WDR86: variants seen among roughly 807,000 people sequenced by gnomAD.
WDR86 encodes the protein WD repeat domain 86.
Under a neutral mutation model 36.5 loss-of-function variants are expected in WDR86, and 30 were observed. That is an observed-to-expected ratio of 0.82 (90% CI 0.61 to 1.11). The LOEUF (loss-of-function observed/expected upper bound fraction) is 1.11, where lower values mean the gene tolerates loss of function less well. Among genes scored for constraint, WDR86 ranks in the 50% most tolerant of loss-of-function variants. The pLI, the probability that WDR86 is intolerant of heterozygous loss-of-function variation, is 0.00. For synonymous variants in WDR86, 255 were observed against 252.9 expected (o/e 1.01, Z -0.08); for missense variants, 545 against 561.2 (o/e 0.97, Z 0.29).
chr7:151,409,936 G>A lies in WDR86; in HGVS notation c.-347C>T, dbSNP rs1801091044. 2 of 1,058,758 alleles carry A rather than the reference G, an allele frequency of 1.9e-6. No individual in the cohort carries two copies. Among genetic ancestry groups the A allele is most frequent in the South Asian group, 4.5e-5 (1 of 22,232 alleles). The allele number at this position is 1,058,758 out of a possible 1,614,324, so 65.6% of individuals were successfully genotyped here. A position where few individuals can be genotyped will look rare whatever the true frequency, so the allele number is the denominator to read the frequency against. On this transcript the variant is annotated 5_prime_UTR_variant, in exon 1 of 6. Coordinates refer to ENST00000334493, the MANE Select transcript of WDR86 (RefSeq NM_198285.3). The surrounding 1 kb of genome is among the most constrained non-coding windows in gnomAD (Gnocchi z 5.2). ...GGCAGCTGCGTCTCTGGTGCACAAG[G>A]AGCCCCCCGCCTCCTCTCGCGCCCA...
chr7:151,381,769 C>T lies in WDR86; in HGVS notation c.967-23G>A, dbSNP rs766646515. 6.9e-7 allele frequency: 1 copy of T among 1,447,154 alleles called. No homozygotes were observed. The allele number at this position is 1,447,154 out of a possible 1,614,324, so 89.6% of individuals were successfully genotyped here. On this transcript the variant is annotated intron_variant, in intron 5 of 5. Coordinates refer to ENST00000334493, the MANE Select transcript of WDR86 (RefSeq NM_198285.3). The surrounding 1 kb of genome is among the most constrained non-coding windows in gnomAD (Gnocchi z 4.8). ...CACCTGCGGGCGCAGGGGCGGGCGTCACCGGTGACGCGGTAGGCGGGGGGG... is the reference window on the plus strand; with the variant it reads ...CACCTGCGGGCGCAGGGGCGGGCGTTACCGGTGACGCGGTAGGCGGGGGGG...
Position 151,396,042 on chromosome 7 carries a change from T to C in WDR86, c.460A>G (p.Thr154Ala). 3.7e-6 allele frequency: 6 copies of C among 1,611,126 alleles called. No individual in the cohort carries two copies. Among genetic ancestry groups the C allele is most frequent in the Non-Finnish European group, 5.1e-6 (6 of 1,179,260 alleles). Residue 154 changes from threonine (T) to alanine (A), a missense_variant, in exon 3 of 6, where the codon ACT becomes GCT. Physicochemically the swap from Thr to Ala is moderately conservative, Grantham distance 58. Coordinates refer to ENST00000334493, the MANE Select transcript of WDR86 (RefSeq NM_198285.3). ...GCCGCGGCCTCCTCCGCGCAGGGAG[T>C]GCTGGGGAGGTCCCACGGGGCAGAG... Reference protein sequence around the residue: ...AYSAPWDLPSTPCAEEAAAGG... With the variant: ...AYSAPWDLPSAPCAEEAAAGG...
rs559298229 is a variant in WDR86 at position 151,390,879 on chromosome 7, G to C, written c.726+4897C>G. ...CAAAGCAGAAGGGCGGGTGCCCGGGGCATGGAAGAGCAGCGGGGAGTCAGT... is the reference window on the plus strand; with the variant it reads ...CAAAGCAGAAGGGCGGGTGCCCGGGCCATGGAAGAGCAGCGGGGAGTCAGT... On this transcript the variant is annotated intron_variant, in intron 3 of 5. Transcript: ENST00000334493. This position sits in a 1 kb window ranked among gnomAD's most constrained non-coding sequence, Gnocchi z 4.5. Among the ~76,000 whole-genome samples, 2 of 152,252 alleles carry C rather than the reference G, an allele frequency of 1.3e-5. No homozygotes were observed. Among genetic ancestry groups the C allele is most frequent in the Non-Finnish European group, 2.9e-5 (2 of 68,046 alleles).
chr7:151,382,100 G>C (rs541787820), intron 4 of WDR86, 119 bp from the exon 5 acceptor site: 1 of 831,114 alleles, frequency 1.2e-6, no homozygotes, highest in Non-Finnish European at 1.9e-6. Flanking sequence ...GGGGTATCCT[G>C]AGGCTCATAT....
In WDR86 at chr7:151,390,320, G is replaced by A. The variant is rs891824838; in HGVS notation, c.727-5097C>T. On this transcript the variant is annotated intron_variant, in intron 3 of 5. Coordinates refer to ENST00000334493, the MANE Select transcript of WDR86 (RefSeq NM_198285.3). This position sits in a 1 kb window ranked among gnomAD's most constrained non-coding sequence, Gnocchi z 4.5. ...CCACATCAGGACCCCATCTGGCCAC[G>A]CCAGGGGCAGCCATCGTGTGTCCCC... 1.3e-5 allele frequency among the ~76,000 whole-genome samples: 2 copies of A among 152,086 alleles called. No homozygotes were observed. The highest frequency in any genetic ancestry group is 4.8e-5 in the African/African-American group (2 of 41,416).
At chr7:151,373,258 G>C (rs201797978), downstream of WDR86, among the ~76,000 whole-genome samples, 1 of 152,194 alleles carries the variant, frequency 6.6e-6, no homozygotes, top group Non-Finnish European at 1.5e-5. Context: ...CTGTCTCCTT[G>C]TTGGGAAAAT....
rs1193965099 is a variant in WDR86, at chr7:151,388,035, T to C, written c.727-2812A>G. 6.6e-6 allele frequency among the ~76,000 whole-genome samples: 1 copy of C among 152,186 alleles called. No homozygotes were observed. The highest frequency in any genetic ancestry group is 1.5e-5 in the Non-Finnish European group (1 of 68,026). On this transcript the variant is annotated intron_variant, in intron 3 of 5. Coordinates refer to ENST00000334493, the MANE Select transcript of WDR86 (RefSeq NM_198285.3). The surrounding 1 kb of genome is among the most constrained non-coding windows in gnomAD (Gnocchi z 4.2). ...GCCTGAACATGGTAACCCCCGCCCATCCCCAAAACGCAGGTGCAATCTCTG... is the reference window on the plus strand; with the variant it reads ...GCCTGAACATGGTAACCCCCGCCCACCCCCAAAACGCAGGTGCAATCTCTG...
chr7:151,403,818 G>A (rs1800514950), intron 1 of WDR86, among the ~76,000 whole-genome samples: 1 of 152,216 alleles, frequency 6.6e-6, no homozygotes, highest in South Asian at 2.1e-4. Flanking sequence ...CCTCCCTGCT[G>A]CCGCCAGGAG....
intron 1 of WDR86, among the ~76,000 whole-genome samples, chr7:151,404,167 C>T (rs877155): frequency 0.26 from 39,851 of 151,968 alleles, 5,536 homozygotes; most frequent in African/African-American, 0.32. Context: ...TGATGGCAAA[C>T]TGATAAAAAT....
downstream of WDR86, chr7:151,375,882 A>T (rs896116087): frequency 3.1e-6 from 5 of 1,613,182 alleles, no homozygotes; most frequent in Non-Finnish European, 4.2e-6. Flanking sequence ...TGGTGGTTAA[A>T]TGATTCCAAT....
At chr7:151,385,063 G>C (rs761258916) in intron 4 of WDR86, 25 bp downstream of exon 4, 5 of 1,569,626 alleles carry the variant, frequency 3.2e-6, no homozygotes, top group Non-Finnish European at 4.3e-6. Context: ...GGGTGGCACA[G>C]GTCGTGCAGG....
At chr7:151,369,952 G>A in the WDR86 span, among the ~76,000 whole-genome samples, 14 of 152,158 alleles carry the variant, frequency 9.2e-5, no homozygotes, top group Non-Finnish European at 1.5e-4. Flanking sequence ...GGTTCATTCC[G>A]TGGTGAGCAG....
downstream of WDR86, among the ~76,000 whole-genome samples, chr7:151,375,675 C>T (rs1169606471): frequency 6.6e-5 from 10 of 152,236 alleles, no homozygotes; most frequent in Admixed American, 6.5e-4. Flanking sequence ...CCCAGCTGTC[C>T]TGGTCTCTGG....
At chr7:151,380,964 G>A (rs1051319839), downstream of WDR86, among the ~76,000 whole-genome samples, 3 of 152,144 alleles carry the variant, frequency 2.0e-5, no homozygotes, top group Admixed American at 2.0e-4. Context: ...GTGACACTGG[G>A]GGCAGCCCCG....
Position 151,381,647 on chromosome 7 carries a change from G to C in WDR86, c.1066C>G (p.Arg356Gly). Residue 356 changes from arginine (R) to glycine (G), a missense_variant, in exon 6 of 6, where the codon CGC (arginine) becomes GGC (glycine). Physicochemically the swap from Arg to Gly is moderately radical, Grantham distance 125 (BLOSUM62 -2). Transcript: ENST00000334493. The surrounding 1 kb of genome is among the most constrained non-coding windows in gnomAD (Gnocchi z 4.8). ...TTGCTGAAGAGCCGCGAGAGGCTGC[G>C]CATGGGCGGAGGGGGCCGCGGGGCA... Reference protein sequence around the residue: ...RGAPRPPPPMRSLSRLFSNKV... With the variant: ...RGAPRPPPPMGSLSRLFSNKV... The C allele has an allele frequency of 7.2e-7, 1 of 1,394,710 alleles. No homozygotes were observed. The highest frequency in any genetic ancestry group is 9.2e-7 in the Non-Finnish European group (1 of 1,086,778). 86.4% of individuals were successfully genotyped at this position (1,394,710 alleles called of 1,614,324 possible). A position where few individuals can be genotyped will look rare whatever the true frequency, so the allele number is the denominator to read the frequency against.
At chr7:151,385,704 G>A (rs1798924379) in intron 3 of WDR86, among the ~76,000 whole-genome samples, 1 of 152,154 alleles carries the variant, frequency 6.6e-6, no homozygotes, top group Non-Finnish European at 1.5e-5. Flanking sequence ...GACAGCCGGG[G>A]ACTGTCACGG....
In WDR86 at chr7:151,381,935, C is replaced by A; in HGVS notation, c.909G>T (p.Gln303His). The part of the protein sequence containing the change: ...GDACARAFDA[Q>H]SGELRRVFRG... ...GGAACACCCTCCGCAGCTCTCCAGA[C>A]TGCGCGTCGAAGGCCCGGGCGCAAG... The change falls in exon 5 of 6, where the codon CAG (glutamine) becomes CAT (histidine). Residue 303 changes from glutamine to histidine, a missense_variant. Gln to His is a conservative substitution (Grantham distance 24, BLOSUM62 0). Transcript: ENST00000334493. The surrounding 1 kb of genome is among the most constrained non-coding windows in gnomAD (Gnocchi z 4.8). 6.2e-7 allele frequency: 1 copy of A among 1,610,102 alleles called. No homozygotes were observed. The highest frequency in any genetic ancestry group is 8.5e-7 in the Non-Finnish European group (1 of 1,178,686).
chr7:151,401,642 C>T lies in WDR86; in HGVS notation c.164-1401G>A, dbSNP rs182314036. On this transcript the variant is annotated intron_variant, in intron 1 of 5. Transcript: ENST00000334493. The surrounding 1 kb of genome is among the most constrained non-coding windows in gnomAD (Gnocchi z 4.3). ...AATGACGGCCCCAAGACAGCAGGTC[C>T]TAATCCCTGGAACCTGTCAATGTGA... Among the ~76,000 whole-genome samples the T allele has an allele frequency of 1.3e-5, 2 of 152,282 alleles. No homozygotes were observed. Among genetic ancestry groups the T allele is most frequent in the East Asian group, 1.9e-4 (1 of 5,180 alleles).
intron 4 of WDR86, among the ~76,000 whole-genome samples, chr7:151,382,727 C>G (rs371515604): frequency 2.7e-4 from 41 of 152,296 alleles, no homozygotes; most frequent in African/African-American, 9.6e-4. Flanking sequence ...CTCTCCGAAG[C>G]CGACCCTGAT....
Sources: allele counts gnomAD v4.1 joint callset (sites outside exome capture counted in the v4.1 genomes callset), GRCh38; gene constraint gnomAD v4.1.1; non-coding constraint Gnocchi (gnomAD v3.1); transcripts MANE v1.5; gene names NCBI Gene and HGNC (gene_info 2026-07-23, HGNC 2026-07-21).